Variants in TEDC2 observed in about 807,000 individuals in gnomAD.
TEDC2 encodes tubulin epsilon and delta complex protein 2.
TEDC2 carries 49 observed loss-of-function variants against 48.1 expected under a neutral mutation model. The ratio of observed to expected loss-of-function variants is 1.02; its 90% CI spans 0.81 to 1.29. The LOEUF is 1.29. Ranked by LOEUF, TEDC2 falls within the 50% of genes most tolerant of loss-of-function variation. The probability of loss-of-function intolerance (pLI) is 0.00; values close to 1 mark genes in which losing one functional copy is unlikely to be tolerated. For missense variants in TEDC2, 631 were observed against 571.4 expected, an observed-to-expected ratio of 1.10 and a Z score of -1.06; for synonymous variants, 299 against 247.1, an observed-to-expected ratio of 1.21 and a Z score of -1.97.
At chr16:2,464,495 C>G (rs557958189) in intron 9 of TEDC2, 27 bp from the exon 10 acceptor site, 1 of 1,533,914 alleles carries the variant, frequency 6.5e-7, no homozygotes, top group African/African-American at 1.4e-5. Context: ...CCCCTGAGAC[C>G]TTGGCCCTGC....
chr16:2,464,000 G>A (rs751696933), intron 8 of TEDC2, 39 bp from the exon 9 acceptor site: 81 of 1,582,766 alleles, frequency 5.1e-5, no homozygotes, highest in South Asian at 7.9e-5. Context: ...CCCTGGGTTC[G>A]GCTGCTACCC....
rs1596940132 is a variant in TEDC2 at position 2,462,656 on chromosome 16, C to T, written c.888C>T (p.Tyr296=). ...SAAPMDWMQE[Y]RCLLTLEGLQ... ...CCCCCATGGACTGGATGCAGGAGTA[C>T]CGCTGCCTGCTCACGCTGGAGGGGC... The change falls in exon 8 of 10, where the codon TAC becomes TAT. Residue 296 remains tyrosine (Y), a synonymous_variant. Coordinates refer to ENST00000361837, the MANE Select transcript of TEDC2 (RefSeq NM_025108.3). 6.5e-7 allele frequency: 1 copy of T among 1,548,122 alleles called. No individual in the cohort carries two copies. The highest frequency in any genetic ancestry group is 1.4e-5 in the African/African-American group (1 of 73,214).
chr16:2,462,513 G>A lies in TEDC2; in HGVS notation c.849G>A (p.Glu283=). Residue 283 remains glutamate (E), a synonymous_variant, in exon 7 of 10, where the codon GAG becomes GAA. Coordinates refer to ENST00000361837, the MANE Select transcript of TEDC2 (RefSeq NM_025108.3). ...CGCTGCTGAGACTGCGCATGAGGGAGGAGCTCTCGGCAGGTCAGTGGGTCC... is the reference window on the plus strand; with the variant it reads ...CGCTGCTGAGACTGCGCATGAGGGAAGAGCTCTCGGCAGGTCAGTGGGTCC... ...ACSLLRLRMR[E]ELSAAPMDWM... 2.5e-6 allele frequency: 4 copies of A among 1,602,700 alleles called. No individual in the cohort carries two copies. Among genetic ancestry groups the A allele is most frequent in the Non-Finnish European group, 3.4e-6 (4 of 1,175,020 alleles).
At chr16:2,462,061 C>T (rs771346600) in intron 5 of TEDC2, 88 bp from the exon 6 acceptor site, 4 of 1,456,776 alleles carry the variant, frequency 2.7e-6, no homozygotes, top group Non-Finnish European at 3.8e-6. Context: ...CCACCCTGGC[C>T]CTTGCCTACC....
Position 2,461,081 on chromosome 16 carries a change from G to C in TEDC2, c.462G>C (p.Glu154Asp). Residue 154 changes from glutamate to aspartate, a missense_variant, in exon 4 of 10, where the codon GAG (glutamate) becomes GAC (aspartate). Coordinates refer to ENST00000361837, the MANE Select transcript of TEDC2 (RefSeq NM_025108.3). The stretch of plus-strand genomic sequence containing the variant: ...CGGTGCCTGCCAAGGGCCACCCTGA[G>C]CGCCGGCTGCTGTCAGTGGGGGATG... The part of the protein sequence containing the change: ...QTTVPAKGHP[E>D]RRLLSVGDGT... 2 of 1,595,960 alleles carry C rather than the reference G, an allele frequency of 1.3e-6. No homozygotes were observed. Among genetic ancestry groups the C allele is most frequent in the African/African-American group, 2.7e-5 (2 of 74,704 alleles).
chr16:2,461,490 G>T (rs1375175265), intron 4 of TEDC2: 2 of 640,782 alleles, frequency 3.1e-6, no homozygotes, highest in Non-Finnish European at 5.2e-6. Flanking sequence ...AGAGGCTCCA[G>T]ATGGGCTCTG....
chr16:2,461,104 A>G lies in TEDC2; in HGVS notation c.485A>G (p.Asp162Gly). The change falls in exon 4 of 10, where the codon GAT becomes GGT. Residue 162 changes from aspartate to glycine, a missense_variant. Asp to Gly is a moderately conservative substitution (Grantham distance 94). Transcript: ENST00000361837. The stretch of plus-strand genomic sequence containing the variant: ...GAGCGCCGGCTGCTGTCAGTGGGGG[A>G]TGGGACCCGTGTTGGGATGGGAGCC... ...HPERRLLSVG[D>G]GTRVGMGART... 1 of 1,586,824 alleles carries G rather than the reference A, an allele frequency of 6.3e-7. No homozygotes were observed. The highest frequency in any genetic ancestry group is 8.6e-7 in the Non-Finnish European group (1 of 1,164,114).
rs756284304 is a variant in TEDC2 at position 2,461,724 on chromosome 16, C to T, written c.606-23C>T. The T allele has an allele frequency of 2.1e-5, 34 of 1,613,246 alleles. 1 individual carries two copies. In the South Asian group the frequency reaches 3.1e-4, roughly 15 times the overall value. On this transcript the variant is annotated intron_variant, in intron 4 of 9. Transcript: ENST00000361837. ...GACCCCAGAGCAAGGCGATGCTCCT[C>T]TGAACACGGGCTTCTCCGACAGGCA...
rs145996012 is a variant in TEDC2, at chr16:2,461,512, A to C, written c.606-235A>C. Reference sequence around the variant, plus strand: ...CCAGATGGGCTCTGGAGGGCGTGGGATCTGCTCACAGGGCCCCGCTCACAG... The same window carrying C: ...CCAGATGGGCTCTGGAGGGCGTGGGCTCTGCTCACAGGGCCCCGCTCACAG... On this transcript the variant is annotated intron_variant, in intron 4 of 9. Coordinates refer to ENST00000361837, the MANE Select transcript of TEDC2 (RefSeq NM_025108.3). 4,531 of 637,178 alleles carry C rather than the reference A, an allele frequency of 7.1e-3. 145 individuals carry two copies. In the African/African-American group the frequency reaches 0.074, roughly 10 times the overall value. The allele number at this position is 637,178 out of a possible 1,614,324, so 39.5% of individuals were successfully genotyped here.
chr16:2,464,409 G>A, intron 9 of TEDC2, 113 bp from the exon 10 acceptor site: 4 of 1,352,404 alleles, frequency 3.0e-6, no homozygotes, highest in Non-Finnish European at 4.0e-6. Flanking sequence ...AGGGAGCCTG[G>A]AGCCTCAGAA....
rs996838177 is a variant in TEDC2 at position 2,460,386 on chromosome 16, G to T, written c.125+5G>T. 1.7e-5 allele frequency: 27 copies of T among 1,544,626 alleles called. No individual in the cohort carries two copies. Among genetic ancestry groups the T allele is most frequent in the Non-Finnish European group, 2.3e-5 (26 of 1,146,298 alleles). On this transcript the variant is annotated splice_donor_5th_base_variant and intron_variant, in intron 2 of 9. Coordinates refer to ENST00000361837, the MANE Select transcript of TEDC2 (RefSeq NM_025108.3). ...CCGTCGGCTGCTGCATGCCTGGTAC[G>T]CGGACCCCGGACCCACTGGCCAGAC...
Position 2,460,845 on chromosome 16 carries a change from G to T in TEDC2, c.226G>T (p.Glu76Ter), listed in dbSNP as rs373931918. The change falls in exon 4 of 10, where the codon GAG becomes TAG. Residue 76 changes from glutamate to a stop codon, truncating the protein, a stop_gained. Coordinates refer to ENST00000361837, the MANE Select transcript of TEDC2 (RefSeq NM_025108.3). LOFTEE classifies it high-confidence loss of function. ...CACACCCAGTCCACAAGACCTCAAAGAGTTGGAGTTTCTGACCCAGGCACT... is the reference window on the plus strand; with the variant it reads ...CACACCCAGTCCACAAGACCTCAAATAGTTGGAGTTTCTGACCCAGGCACT... ...ACTPSPQDLK[E>*]LEFLTQALEK... 11 of 1,613,136 alleles carry T rather than the reference G, an allele frequency of 6.8e-6. No homozygotes were observed. In the East Asian group the frequency reaches 2.2e-4, roughly 33 times the overall value.
chr16:2,460,680 G>C lies in TEDC2; in HGVS notation c.183G>C (p.Glu61Asp), dbSNP rs1390518023. Residue 61 changes from glutamate (E) to aspartate (D), a missense_variant, in exon 3 of 10, where the codon GAG becomes GAC. Physicochemically the swap from Glu to Asp is conservative, Grantham distance 45. Coordinates refer to ENST00000361837, the MANE Select transcript of TEDC2 (RefSeq NM_025108.3). ...KPPPGPETNG[E>D]DPLPACTPSP... Reference sequence around the variant, plus strand: ...CTCCAGGGCCAGAAACTAATGGAGAGGACCCCCTTCCAGGTAAACCTCCAC... The same window carrying C: ...CTCCAGGGCCAGAAACTAATGGAGACGACCCCCTTCCAGGTAAACCTCCAC... 6.2e-7 allele frequency: 1 copy of C among 1,613,092 alleles called. No homozygotes were observed. Among genetic ancestry groups the C allele is most frequent in the South Asian group, 1.1e-5 (1 of 91,086 alleles).
In TEDC2 at chr16:2,461,934, A is replaced by G. The variant is rs2065469415; in HGVS notation, c.659+134A>G. 3.9e-6 allele frequency: 5 copies of G among 1,281,062 alleles called. No homozygotes were observed. In the South Asian group the frequency reaches 5.1e-5, roughly 13 times the overall value. The allele number at this position is 1,281,062 out of a possible 1,614,324, so 79.4% of individuals were successfully genotyped here. A position where few individuals can be genotyped will look rare whatever the true frequency, so the allele number is the denominator to read the frequency against. ...TGAGTGGGATCACTGTCGATGTTAA[A>G]AATCTGCCAGCCGGTCAGCTTTGTC... On this transcript the variant is annotated intron_variant, in intron 5 of 9. Coordinates refer to ENST00000361837, the MANE Select transcript of TEDC2 (RefSeq NM_025108.3).
chr16:2,460,152 C>G lies in TEDC2; in HGVS notation c.8C>G (p.Pro3Arg), dbSNP rs758964864. The G allele has an allele frequency of 4.4e-5, 57 of 1,288,684 alleles. No homozygotes were observed. Among genetic ancestry groups the G allele is most frequent in the Non-Finnish European group, 5.3e-5 (54 of 1,022,388 alleles). 79.8% of individuals were successfully genotyped at this position (1,288,684 alleles called of 1,614,324 possible). The change falls in exon 1 of 10, where the codon CCG (proline) becomes CGG (arginine). Residue 3 changes from proline (P) to arginine (R), a missense_variant. By Grantham distance (103) the Pro-to-Arg change is moderately radical. Transcript: ENST00000361837. The stretch of plus-strand genomic sequence containing the variant: ...GGAGACGCCGCCGCCTTCATGCTGC[C>G]GGCGGGCTGCTCGCGCCGGTGAGGC... Reference protein sequence around the residue: MLPAGCSRRLVAE... With the variant: MLRAGCSRRLVAE...
intron 2 of TEDC2, 29 bp from the exon 3 acceptor site, chr16:2,460,594 C>T (rs996869104): frequency 2.5e-6 from 4 of 1,611,628 alleles, no homozygotes; most frequent in Non-Finnish European, 3.4e-6. Context: ...TGCCTCCTGG[C>T]CGTGCGACGG....
At chr16:2,462,817 G>A (rs1232206451) in intron 8 of TEDC2, 85 bp downstream of exon 8, 6 of 1,293,732 alleles carry the variant, frequency 4.6e-6, no homozygotes, top group Non-Finnish European at 6.3e-6. Flanking sequence ...TGCGCCTCAG[G>A]GAAGGGTGAG....
At chr16:2,462,801 C>A (rs989772068) in intron 8 of TEDC2, 69 bp downstream of exon 8, 15 of 1,389,320 alleles carry the variant, frequency 1.1e-5, no homozygotes, top group African/African-American at 2.9e-5. Flanking sequence ...TTTAGCCAGG[C>A]TTGTCTGCGC....
Position 2,460,381 on chromosome 16 carries a change from G to C in TEDC2, c.125G>C (p.Trp42Ser). The C allele has an allele frequency of 1.3e-6, 2 of 1,544,948 alleles. No individual in the cohort carries two copies. Among genetic ancestry groups the C allele is most frequent in the Non-Finnish European group, 1.7e-6 (2 of 1,146,362 alleles). ...LRVCRRLLHA[W>S]EPTGTRALKP... Reference sequence around the variant, plus strand: ...GTTTGCCGTCGGCTGCTGCATGCCTGGTACGCGGACCCCGGACCCACTGGC... The same window carrying C: ...GTTTGCCGTCGGCTGCTGCATGCCTCGTACGCGGACCCCGGACCCACTGGC... Residue 42 changes from tryptophan (W) to serine (S), a missense_variant and splice_region_variant, in exon 2 of 10, where the codon TGG becomes TCG. Physicochemically the swap from Trp to Ser is radical, Grantham distance 177. Transcript: ENST00000361837.
Sources: allele counts gnomAD v4.1 joint callset, GRCh38; gene constraint gnomAD v4.1.1; transcripts MANE v1.5; gene names NCBI Gene and HGNC (gene_info 2026-07-23, HGNC 2026-07-21).